BMPR1B: variants seen among roughly 807,000 people sequenced by gnomAD.
BMPR1B encodes the protein bone morphogenetic protein receptor type 1B.
Under a neutral mutation model 59.1 loss-of-function variants are expected in BMPR1B, and 12 were observed. That is an observed-to-expected ratio of 0.20 (90% confidence interval 0.13 to 0.33). BMPR1B has a LOEUF of 0.33. BMPR1B is among the 10% of genes least tolerant of loss of function. The pLI is 1.00. For missense variants in BMPR1B, 550 were observed against 610.9 expected (o/e 0.90, Z 1.05); for synonymous variants, 237 against 207.3 (o/e 1.14, Z -1.23).
chr4:94,832,529 C>A (rs1293755372), intron 1 of BMPR1B, among the ~76,000 whole-genome samples: 3 of 152,136 alleles, frequency 2.0e-5, no homozygotes, highest in Admixed American at 2.0e-4. Context: ...TGCCTGTAAT[C>A]CCAGGACTTT....
At chr4:95,026,432 A>T (rs1381264854) in intron 3 of BMPR1B, among the ~76,000 whole-genome samples, 1 of 151,956 alleles carries the variant, frequency 6.6e-6, no homozygotes, top group Non-Finnish European at 1.5e-5. Flanking sequence ...ACCATTTGTT[A>T]TTCCGATTAT....
chr4:95,089,134 T>C (rs987008312), intron 3 of BMPR1B, among the ~76,000 whole-genome samples: 1 of 152,188 alleles, frequency 6.6e-6, no homozygotes, highest in Non-Finnish European at 1.5e-5. Context: ...TAACTCACTC[T>C]GATAATGAAA....
At chr4:94,796,051 A>C (rs13141292) in intron 1 of BMPR1B, among the ~76,000 whole-genome samples, 1 of 149,836 alleles carries the variant, frequency 6.7e-6, no homozygotes, top group Non-Finnish European at 1.5e-5. Flanking sequence ...TGCAACCTCT[A>C]CCTCCTGGGT....
chr4:95,048,757 T>C (rs1726222903), intron 3 of BMPR1B, among the ~76,000 whole-genome samples: 2 of 152,144 alleles, frequency 1.3e-5, no homozygotes. Flanking sequence ...TAAAAATATG[T>C]ACATTAGGGT....
intron 2 of BMPR1B, among the ~76,000 whole-genome samples, chr4:94,953,029 CT>C (rs1484789963): frequency 6.6e-6 from 1 of 152,108 alleles, no homozygotes; most frequent in Non-Finnish European, 1.5e-5. Context: ...TTCTTTGTCT[CT>C]TTTGATCTTT....
chr4:94,974,842 C>A (rs545105988), intron 2 of BMPR1B, among the ~76,000 whole-genome samples: 1 of 152,196 alleles, frequency 6.6e-6, no homozygotes, highest in Admixed American at 6.5e-5. Flanking sequence ...CACCACTCTC[C>A]CAAACACACA....
At chr4:94,779,970 T>C (rs1416099928) in intron 1 of BMPR1B, among the ~76,000 whole-genome samples, 1 of 152,202 alleles carries the variant, frequency 6.6e-6, no homozygotes, top group Non-Finnish European at 1.5e-5. Flanking sequence ...CCCCTTCCCT[T>C]AATCTCTATG....
At chr4:95,022,520 A>G (rs1327341661) in intron 3 of BMPR1B, among the ~76,000 whole-genome samples, 1 of 152,172 alleles carries the variant, frequency 6.6e-6, no homozygotes, top group Non-Finnish European at 1.5e-5. Context: ...GAAACAAAAT[A>G]TGAAATGGAA....
At chr4:95,091,210 T>C (rs1176228548) in intron 3 of BMPR1B, among the ~76,000 whole-genome samples, 1 of 152,114 alleles carries the variant, frequency 6.6e-6, no homozygotes, top group Non-Finnish European at 1.5e-5. Context: ...CATAACACAC[T>C]GTGGTCAGTG....
chr4:94,819,249 C>T (rs954195010), intron 1 of BMPR1B, among the ~76,000 whole-genome samples: 1 of 152,058 alleles, frequency 6.6e-6, no homozygotes, highest in Non-Finnish European at 1.5e-5. Context: ...TATATTTCTC[C>T]CTCTTTTTTC....
chr4:94,806,845 GCTT>G (rs1486960073), intron 1 of BMPR1B, among the ~76,000 whole-genome samples: 27 of 151,946 alleles, frequency 1.8e-4, no homozygotes, highest in Admixed American at 1.8e-3. Context: ...ATTTAACTGA[GCTT>G]CTTGTGTTTT....
intron 1 of BMPR1B, 59 bp from the exon 2 acceptor site, chr4:94,875,772 A>G (rs1726703696): frequency 6.6e-6 from 1 of 152,662 alleles, no homozygotes; most frequent in Non-Finnish European, 1.5e-5. Flanking sequence ...ACTGGTAAAT[A>G]ATAATAAACC....
chr4:94,951,878 G>A (rs111247853), intron 2 of BMPR1B, among the ~76,000 whole-genome samples: 2,998 of 144,158 alleles, frequency 0.021, 96 homozygotes, highest in African/African-American at 0.082. Flanking sequence ...CTGTGAATTC[G>A]TCTGGTCCTG....
At chr4:94,921,874 A>G (rs1240255380) in intron 2 of BMPR1B, among the ~76,000 whole-genome samples, 1 of 152,106 alleles carries the variant, frequency 6.6e-6, no homozygotes, top group Non-Finnish European at 1.5e-5. Context: ...TGTAATCTAA[A>G]TATGTTCATC....
chr4:94,976,858 G>A (rs1226021882), intron 2 of BMPR1B, among the ~76,000 whole-genome samples: 1 of 151,890 alleles, frequency 6.6e-6, no homozygotes, highest in Non-Finnish European at 1.5e-5. Flanking sequence ...CCATCTCCTG[G>A]GAATTGTTCT....
chr4:95,080,995 C>T (rs1278017606), intron 3 of BMPR1B, among the ~76,000 whole-genome samples: 1 of 152,118 alleles, frequency 6.6e-6, no homozygotes, highest in African/African-American at 2.4e-5. Context: ...CCATAATCCC[C>T]ACATATGTCA....
intron 1 of BMPR1B, among the ~76,000 whole-genome samples, chr4:94,829,323 T>C (rs1348318331): frequency 7.4e-6 from 1 of 135,428 alleles, no homozygotes; most frequent in East Asian, 2.5e-4. Context: ...ATGATTTTAT[T>C]TTCCTTTTTT....
chr4:95,059,639 C>A (rs914676917), intron 3 of BMPR1B, among the ~76,000 whole-genome samples: 25 of 144,808 alleles, frequency 1.7e-4, no homozygotes, highest in African/African-American at 4.3e-4. Context: ...GTAAAAAAAA[C>A]AATTTTCTAT....
intron 2 of BMPR1B, among the ~76,000 whole-genome samples, chr4:94,884,960 C>G (rs959973761): frequency 6.6e-6 from 1 of 152,190 alleles, no homozygotes; most frequent in Non-Finnish European, 1.5e-5. Context: ...AACTCTGTTA[C>G]TGCTGTGAGC....
Sources: gnomAD v4.1 joint callset for allele counts (sites outside exome capture counted in the v4.1 genomes callset) on GRCh38, gnomAD v4.1.1 for gene constraint, MANE v1.5 for transcripts, NCBI Gene and HGNC (gene_info 2026-07-23, HGNC 2026-07-21) for gene names.